Variants in GBP6 observed in about 807,000 individuals in gnomAD.
GBP6 encodes the protein guanylate-binding protein 6.
GBP6 carries 54 observed loss-of-function variants against 61.5 expected under a neutral mutation model. The ratio of observed to expected loss-of-function variants is 0.88; its 90% CI spans 0.71 to 1.10. The LOEUF (loss-of-function observed/expected upper bound fraction) is 1.10, where lower values mean the gene tolerates loss of function less well. Among genes scored for constraint, GBP6 ranks in the 50% least tolerant of loss-of-function variants. The pLI, the probability that GBP6 is intolerant of heterozygous loss-of-function variation, is 0.00. For synonymous variants in GBP6, 255 were observed against 273.7 expected (o/e 0.93, Z 0.67); for missense variants, 748 against 752.8 (o/e 0.99, Z 0.07).
At chr1:89,381,365 TA>T (rs1290872960) in intron 6 of GBP6, among the ~76,000 whole-genome samples, 17 of 151,878 alleles carry the variant, frequency 1.1e-4, no homozygotes, top group African/African-American at 3.9e-4. Flanking sequence ...ATAAATGTGA[TA>T]TGATTTACCC....
chr1:89,378,684 C>T (rs1022487640), intron 5 of GBP6, 71 bp downstream of exon 5: 95 of 1,213,524 alleles, frequency 7.8e-5, no homozygotes, highest in Admixed American at 1.7e-4. Context: ...CCCATCATCT[C>T]TGGGGTTTCA....
In GBP6 at chr1:89,383,735, T is replaced by C. The variant is rs114985117; in HGVS notation, c.1449T>C (p.Asp483=). Residue 483 remains aspartate (D), a synonymous_variant, in exon 9 of 11, where the codon GAT becomes GAC. Coordinates refer to ENST00000370456, the MANE Select transcript of GBP6 (RefSeq NM_198460.3). ...SILQSDKALT[D]REKAVAVDRA... ...TGCAGTCAGATAAAGCCCTCACTGA[T>C]AGAGAGAAGGCAGTAGCAGGTATGG... 3.7e-6 allele frequency: 6 copies of C among 1,610,946 alleles called. No homozygotes were observed. In the African/African-American group the frequency reaches 5.4e-5, roughly 14 times the overall value.
chr1:89,384,346 G>A (rs1184613621), intron 10 of GBP6, 60 bp downstream of exon 10: 4 of 1,377,318 alleles, frequency 2.9e-6, no homozygotes, highest in African/African-American at 2.9e-5. Context: ...CTCAGGAAGG[G>A]CTGGTGAAGG....
intron 2 of GBP6, 90 bp from the exon 3 acceptor site, chr1:89,369,456 A>G (rs981185200): frequency 1.5e-5 from 21 of 1,425,588 alleles, no homozygotes; most frequent in Middle Eastern, 2.1e-4. Context: ...ATGTTGGGGT[A>G]GTTACAATCC....
chr1:89,378,611 A>AAGGTATC lies in GBP6; in HGVS notation c.625+1_625+7dup. On this transcript the variant is annotated frameshift_variant and splice_region_variant, in exon 5 of 11. Transcript: ENST00000370456. LOFTEE classifies it high-confidence loss of function. ...CTGGAGAATGCCTTGAAGCTGATTC[A>AAGGTATC]AGGTATCAGAATGTGGCCTGGGCTG... 1 of 1,610,248 alleles carries AAGGTATC rather than the reference A, an allele frequency of 6.2e-7. No homozygotes were observed. Among genetic ancestry groups the AAGGTATC allele is most frequent in the Admixed American group, 1.7e-5 (1 of 59,782 alleles).
chr1:89,368,801 G>T, intron 2 of GBP6, 60 bp downstream of exon 2: 2 of 1,492,548 alleles, frequency 1.3e-6, no homozygotes, highest in East Asian at 4.5e-5. Flanking sequence ...TCAGCTTCTT[G>T]ATTCTCTACC....
Position 89,380,464 on chromosome 1 carries a change from T to A in GBP6, c.704T>A (p.Val235Asp), listed in dbSNP as rs1652940213. 6.2e-7 allele frequency: 1 copy of A among 1,614,138 alleles called. No individual in the cohort carries two copies. The highest frequency in any genetic ancestry group is 8.5e-7 in the Non-Finnish European group (1 of 1,180,012). The change falls in exon 6 of 11, where the codon GTC becomes GAC. Residue 235 changes from valine to aspartate, a missense_variant. Val to Asp is a radical substitution (Grantham distance 152). Coordinates refer to ENST00000370456, the MANE Select transcript of GBP6 (RefSeq NM_198460.3). ...RRFFPKRKCF[V>D]FDRPTNDKDL... ...TTCTTTCCAAAACGGAAGTGTTTCG[T>A]CTTTGACCGGCCAACAAATGACAAA...
intron 3 of GBP6, among the ~76,000 whole-genome samples, chr1:89,374,310 C>G (rs1439028485): frequency 1.3e-5 from 2 of 152,088 alleles, no homozygotes; most frequent in African/African-American, 4.8e-5. Context: ...GTTTCCATAT[C>G]TTGGCTATTG....
intron 2 of GBP6, 115 bp downstream of exon 2, chr1:89,368,856 C>A (rs927186673): frequency 6.0e-6 from 5 of 837,170 alleles, no homozygotes; most frequent in Non-Finnish European, 9.1e-6. Context: ...AATAAACCAA[C>A]CTTCTCATTC....
At chr1:89,383,273 A>G (rs1653040294) in intron 8 of GBP6, among the ~76,000 whole-genome samples, 1 of 152,194 alleles carries the variant, frequency 6.6e-6, no homozygotes, top group South Asian at 2.1e-4. Flanking sequence ...TGATTACATA[A>G]CTTGCCTAAA....
chr1:89,381,887 G>T lies in GBP6; in HGVS notation c.1065G>T (p.Met355Ile). 6.2e-7 allele frequency: 1 copy of T among 1,614,128 alleles called. No individual in the cohort carries two copies. The highest frequency in any genetic ancestry group is 8.5e-7 in the Non-Finnish European group (1 of 1,179,980). Reference sequence around the variant, plus strand: ...ACACGCTCCAGGAGCTGCTGGACATGCATGCGGCCTGTGAGAGGGAAGCCA... The same window carrying T: ...ACACGCTCCAGGAGCTGCTGGACATTCATGCGGCCTGTGAGAGGGAAGCCA... ...PTDTLQELLD[M>I]HAACEREAIA... The change falls in exon 7 of 11, where the codon ATG becomes ATT. Residue 355 changes from methionine (M) to isoleucine (I), a missense_variant. Met to Ile is a conservative substitution (Grantham distance 10). Transcript: ENST00000370456.
intron 8 of GBP6, 76 bp from the exon 9 acceptor site, chr1:89,383,576 A>C: frequency 7.4e-6 from 8 of 1,073,838 alleles, no homozygotes; most frequent in Non-Finnish European, 1.1e-5. Context: ...TTACAAGACC[A>C]TAATTGTTCT....
intron 3 of GBP6, among the ~76,000 whole-genome samples, chr1:89,372,047 A>G (rs559054455): frequency 1.1e-4 from 16 of 152,256 alleles, no homozygotes; most frequent in African/African-American, 3.6e-4. Flanking sequence ...CAAATCATGA[A>G]TGAACTCCCA....
At position 89,380,517 on chromosome 1, in the gene GBP6, T is replaced by C; in HGVS notation, c.757T>C (p.Ser253Pro). Residue 253 changes from serine to proline, a missense_variant, in exon 6 of 11, where the codon TCA becomes CCA. Transcript: ENST00000370456. ...CCTTCTAGCCAATATTGAGAAGGTG[T>C]CAGAAAAGCAACTGGATCCCAAATT... is the stretch of plus-strand genomic sequence containing the variant. ...KDLLANIEKV[S>P]EKQLDPKFQE... The C allele has an allele frequency of 3.7e-6, 6 of 1,614,102 alleles. No individual in the cohort carries two copies. Among genetic ancestry groups the C allele is most frequent in the Non-Finnish European group, 5.1e-6 (6 of 1,180,018 alleles).
intron 6 of GBP6, 121 bp downstream of exon 6, chr1:89,380,752 C>A: frequency 1.2e-6 from 1 of 827,822 alleles, no homozygotes; most frequent in African/African-American, 1.7e-5. Flanking sequence ...GGTATTCACA[C>A]TCAGTGAAGA....
At chr1:89,368,776 G>C in intron 2 of GBP6, 35 bp downstream of exon 2, 1 of 1,575,624 alleles carries the variant, frequency 6.3e-7, no homozygotes, top group Non-Finnish European at 8.7e-7. Flanking sequence ...CCAGTTGCTT[G>C]ATTCCAGCTA....
chr1:89,378,884 T>C (rs1052138008), intron 5 of GBP6, among the ~76,000 whole-genome samples: 1 of 152,216 alleles, frequency 6.6e-6, no homozygotes, highest in African/African-American at 2.4e-5. Flanking sequence ...TAAGACTTTC[T>C]AATAACAAGA....
chr1:89,383,963 TG>T (rs1653060819), intron 9 of GBP6, 129 bp from the exon 10 acceptor site: 1 of 975,438 alleles, frequency 1.0e-6, no homozygotes, highest in Admixed American at 2.9e-5. Context: ...GCGCTCTTAA[TG>T]GTGTGGACCT....
Position 89,382,818 on chromosome 1 carries a change from T to C in GBP6, c.1307T>C (p.Met436Thr). The change falls in exon 8 of 11, where the codon ATG becomes ACG. Residue 436 changes from methionine to threonine, a missense_variant. Physicochemically the swap from Met to Thr is moderately conservative, Grantham distance 81. Coordinates refer to ENST00000370456, the MANE Select transcript of GBP6 (RefSeq NM_198460.3). ...FSVPGGHKLY[M>T]ETKERIEQDY... ...GTTCCTGGAGGGCACAAGCTCTACATGGAAACAAAGGAAAGGATTGAACAG... is the reference window on the plus strand; with the variant it reads ...GTTCCTGGAGGGCACAAGCTCTACACGGAAACAAAGGAAAGGATTGAACAG... 1.2e-6 allele frequency: 2 copies of C among 1,613,930 alleles called. No individual in the cohort carries two copies. Among genetic ancestry groups the C allele is most frequent in the Non-Finnish European group, 1.7e-6 (2 of 1,179,958 alleles).
Sources: allele counts gnomAD v4.1 joint callset (sites outside exome capture counted in the v4.1 genomes callset), GRCh38; gene constraint gnomAD v4.1.1; transcripts MANE v1.5; gene names NCBI Gene and HGNC (gene_info 2026-07-23, HGNC 2026-07-21).